Variants in OPCML observed in about 807,000 individuals in gnomAD.
OPCML encodes opioid binding protein/cell adhesion molecule like.
Under a neutral mutation model 37.8 loss-of-function variants are expected in OPCML, and 13 were observed. That is an observed-to-expected ratio of 0.34 (90% CI 0.22 to 0.55). The LOEUF (loss-of-function observed/expected upper bound fraction) is 0.55, where lower values mean the gene tolerates loss of function less well. Among genes scored for constraint, OPCML ranks in the 20% least tolerant of loss-of-function variants. The pLI is 0.91. For missense variants in OPCML, 341 were observed against 435.6 expected, an observed-to-expected ratio of 0.78 and a Z score of 1.93; for synonymous variants, 176 against 168.8, an observed-to-expected ratio of 1.04 and a Z score of -0.33.
Position 132,464,823 on chromosome 11 carries a change from T to C in OPCML, c.506-27464A>G, listed in dbSNP as rs2096114614. Among the ~76,000 whole-genome samples the C allele has an allele frequency of 2.6e-5, 4 of 152,246 alleles. No individual in the cohort carries two copies. The South Asian group carries it at 8.3e-4, about 32-fold the overall frequency. Reference sequence around the variant, plus strand: ...ACTCCCTGATAAAAGATTCAAACAATTAAGAAGTGTGTTATATGTACAAGA... The same window carrying C: ...ACTCCCTGATAAAAGATTCAAACAACTAAGAAGTGTGTTATATGTACAAGA... On this transcript the variant is annotated intron_variant, in intron 4 of 7. Coordinates refer to ENST00000524381, the MANE Select transcript of OPCML (RefSeq NM_001012393.5).
chr11:133,395,908 A>G lies in OPCML; in HGVS notation c.61+136356T>C, dbSNP rs527869891. On this transcript the variant is annotated intron_variant, in intron 1 of 7. Coordinates refer to ENST00000524381, the MANE Select transcript of OPCML (RefSeq NM_001012393.5). ...TATAAATTTTAGGATTGTTTTTGCT[A>G]TTTCTGTGGAGAACGTCGTTGGTAT... Among the ~76,000 whole-genome samples the G allele has an allele frequency of 4.6e-5, 7 of 152,220 alleles. No homozygotes were observed. The South Asian group carries it at 1.5e-3, about 32-fold the overall frequency.
intron 1 of OPCML, among the ~76,000 whole-genome samples, chr11:133,463,346 A>T (rs1946902505): frequency 6.6e-6 from 1 of 152,064 alleles, no homozygotes; most frequent in African/African-American, 2.4e-5. Flanking sequence ...TTGCACCATG[A>T]TTTGTACTTG....
At chr11:133,373,284 C>T (rs896595367) in intron 1 of OPCML, among the ~76,000 whole-genome samples, 25 of 151,678 alleles carry the variant, frequency 1.6e-4, no homozygotes, top group African/African-American at 5.8e-4. Flanking sequence ...AGTAAGTGGC[C>T]AGCCGCAGGG....
intron 3 of OPCML, among the ~76,000 whole-genome samples, chr11:132,602,758 T>C (rs1938009412): frequency 1.3e-5 from 2 of 152,340 alleles, no homozygotes; most frequent in South Asian, 2.1e-4. Flanking sequence ...TCCCAGTCCA[T>C]GAGGAGATGT....
chr11:132,575,905 C>A (rs1454554460), intron 3 of OPCML, among the ~76,000 whole-genome samples: 1 of 151,968 alleles, frequency 6.6e-6, no homozygotes, highest in Non-Finnish European at 1.5e-5. Context: ...AACAGTTTTG[C>A]CAGGCATAGT....
intron 1 of OPCML, among the ~76,000 whole-genome samples, chr11:133,207,479 A>G (rs948630928): frequency 1.7e-4 from 26 of 152,166 alleles, no homozygotes; most frequent in Non-Finnish European, 3.7e-4. Context: ...TTAAACTGTC[A>G]TACCGTGATT....
intron 1 of OPCML, among the ~76,000 whole-genome samples, chr11:132,975,687 G>A (rs1188904772): frequency 6.6e-6 from 1 of 151,236 alleles, no homozygotes; most frequent in African/African-American, 2.4e-5. Context: ...ATCATCAGCA[G>A]CTGGCTTTCT....
At chr11:133,014,570 C>G (rs1169463624) in intron 1 of OPCML, among the ~76,000 whole-genome samples, 1 of 152,228 alleles carries the variant, frequency 6.6e-6, no homozygotes, top group African/African-American at 2.4e-5. Context: ...GAGGCTGTGG[C>G]CGAGACTGTA....
At position 132,753,715 on chromosome 11, in the gene OPCML, A is replaced by G. The variant is rs139781533; in HGVS notation, c.147-96396T>C. ...AGAGGTCATTTCAGGTGGTAAGATC[A>G]GTGAAAACTTCCTCTGGAGGAAGTG... is the stretch of plus-strand genomic sequence containing the variant. On this transcript the variant is annotated intron_variant, in intron 2 of 7. Transcript: ENST00000524381. 1.4e-4 allele frequency among the ~76,000 whole-genome samples: 21 copies of G among 152,336 alleles called. No individual in the cohort carries two copies. In the East Asian group the frequency reaches 3.7e-3, roughly 27 times the overall value.
intron 3 of OPCML, among the ~76,000 whole-genome samples, chr11:132,566,068 G>A (rs2096422306): frequency 6.6e-6 from 1 of 152,172 alleles, no homozygotes; most frequent in Admixed American, 6.5e-5. Flanking sequence ...CTCCCATTTG[G>A]CTCTGTCTGA....
chr11:133,109,157 T>A (rs1175032330), intron 1 of OPCML, among the ~76,000 whole-genome samples: 1 of 152,248 alleles, frequency 6.6e-6, no homozygotes, highest in Non-Finnish European at 1.5e-5. Flanking sequence ...CCACTGTGTC[T>A]GGAGTTGGTT....
At chr11:132,592,492 C>T (rs1189161801) in intron 3 of OPCML, among the ~76,000 whole-genome samples, 1 of 152,250 alleles carries the variant, frequency 6.6e-6, no homozygotes, top group Non-Finnish European at 1.5e-5. Context: ...ATACTGGTGA[C>T]TGTCCAGGCC....
chr11:133,441,400 A>G (rs1754026775), intron 1 of OPCML, among the ~76,000 whole-genome samples: 1 of 152,194 alleles, frequency 6.6e-6, no homozygotes, highest in South Asian at 2.1e-4. Context: ...AGATCCATGA[A>G]TTCATGGGCA....
intron 4 of OPCML, among the ~76,000 whole-genome samples, chr11:132,465,819 C>A (rs566635865): frequency 6.6e-6 from 1 of 152,190 alleles, no homozygotes; most frequent in South Asian, 2.1e-4. Flanking sequence ...TTATGTTTAA[C>A]TCTTTTTGGA....
At chr11:132,743,995 G>A (rs557247020) in intron 2 of OPCML, among the ~76,000 whole-genome samples, 64 of 152,250 alleles carry the variant, frequency 4.2e-4, no homozygotes, top group Non-Finnish European at 7.6e-4. Flanking sequence ...TGTGTCATGC[G>A]TACCTACTCT....
intron 4 of OPCML, among the ~76,000 whole-genome samples, chr11:132,525,032 T>TCACTTA (rs1330774993): frequency 6.6e-6 from 1 of 152,168 alleles, no homozygotes; most frequent in Non-Finnish European, 1.5e-5. Flanking sequence ...TCAACTTTAC[T>TCACTTA]CACTTACCAG....
chr11:132,548,357 C>T (rs557851078), intron 3 of OPCML, among the ~76,000 whole-genome samples: 1 of 152,284 alleles, frequency 6.6e-6, no homozygotes, highest in Non-Finnish European at 1.5e-5. Context: ...TTCTCCCTGG[C>T]ACCTGCCCCC....
At chr11:133,027,470 AGTG>A (rs1947575537) in intron 1 of OPCML, among the ~76,000 whole-genome samples, 2 of 144,902 alleles carry the variant, frequency 1.4e-5, no homozygotes, top group Non-Finnish European at 3.1e-5. Flanking sequence ...TGGTCTATGT[AGTG>A]TGTGTGTGTG....
At position 132,850,422 on chromosome 11, in the gene OPCML, A is replaced by G. The variant is rs570177062; in HGVS notation, c.146+92504T>C. ...GATTTCTCAAACTTGGAACACGTTA[A>G]AACGCACAGTTGGGTAACAAGAATC... is the stretch of plus-strand genomic sequence containing the variant. On this transcript the variant is annotated intron_variant, in intron 2 of 7. Coordinates refer to ENST00000524381, the MANE Select transcript of OPCML (RefSeq NM_001012393.5). Among the ~76,000 whole-genome samples, 28 of 152,294 alleles carry G rather than the reference A, an allele frequency of 1.8e-4. No individual in the cohort carries two copies. In the South Asian group the frequency reaches 5.8e-3, roughly 32 times the overall value.
Sources: allele counts gnomAD v4.1 joint callset (sites outside exome capture counted in the v4.1 genomes callset), GRCh38; gene constraint gnomAD v4.1.1; transcripts MANE v1.5; gene names NCBI Gene and HGNC (gene_info 2026-07-23, HGNC 2026-07-21).